Variants in ADGRL3 observed in about 807,000 individuals in gnomAD.
ADGRL3 encodes the protein calcium-independent alpha-latrotoxin receptor 3.
A neutral mutation model predicts 153.5 loss-of-function variants in ADGRL3; 62 were observed. The observed-to-expected ratio is 0.40, with a 90% confidence interval of 0.33 to 0.50. The LOEUF (loss-of-function observed/expected upper bound fraction) is 0.50, where lower values mean the gene tolerates loss of function less well. ADGRL3 is among the 20% of genes least tolerant of loss of function. The pLI is 0.47. For synonymous variants in ADGRL3, 710 were observed against 672.5 expected, an observed-to-expected ratio of 1.06 and a Z score of -0.86; for missense variants, 1,641 against 1,859.4, an observed-to-expected ratio of 0.88 and a Z score of 2.16.
chr4:62,032,551 A>G (rs1722699479), intron 23 of ADGRL3, among the ~76,000 whole-genome samples: 1 of 151,640 alleles, frequency 6.6e-6, no homozygotes, highest in East Asian at 1.9e-4. Context: ...ATTTAAAAAT[A>G]TTCAAAGAAA....
intron 5 of ADGRL3, among the ~76,000 whole-genome samples, chr4:61,588,206 T>C (rs1252158316): frequency 6.6e-6 from 1 of 151,902 alleles, no homozygotes; most frequent in African/African-American, 2.4e-5. Flanking sequence ...TCCTTTAGTA[T>C]AAGCCTACAG....
chr4:61,947,186 A>C, intron 16 of ADGRL3, 64 bp downstream of exon 16: 5 of 1,229,038 alleles, frequency 4.1e-6, no homozygotes, highest in Non-Finnish European at 5.9e-6. Flanking sequence ...ACTGAACATT[A>C]AGTGTATTAA....
intron 18 of ADGRL3, among the ~76,000 whole-genome samples, chr4:61,982,315 C>T (rs573465350): frequency 6.6e-6 from 1 of 152,296 alleles, no homozygotes; most frequent in Non-Finnish European, 1.5e-5. Flanking sequence ...CTTTACTCTC[C>T]TTGCTAGCGA....
At chr4:61,909,056 G>GTTCC (rs2098709891) in intron 11 of ADGRL3, among the ~76,000 whole-genome samples, 1 of 152,150 alleles carries the variant, frequency 6.6e-6, no homozygotes, top group African/African-American at 2.4e-5. Context: ...TCCTTATACA[G>GTTCC]TTAGTAAGAA....
intron 5 of ADGRL3, among the ~76,000 whole-genome samples, chr4:61,594,186 T>C (rs2098980302): frequency 6.6e-6 from 1 of 152,194 alleles, no homozygotes; most frequent in Non-Finnish European, 1.5e-5. Flanking sequence ...ATTTGTCTGA[T>C]ATAACTCAGA....
rs1560623309 is a variant in ADGRL3 at position 61,432,634 on chromosome 4, CTTTCTTTCTTTCTTTCTTTCTTTT to C, written c.-174+49449_-174+49472del. Among the ~76,000 whole-genome samples the C allele has an allele frequency of 7.7e-4, 25 of 32,564 alleles. 1 individual carries two copies. The highest frequency in any genetic ancestry group is 2.4e-3 in the East Asian group (4 of 1,654). 21.4% of individuals were successfully genotyped at this position (32,564 alleles called of 152,430 possible). A position where few individuals can be genotyped will look rare whatever the true frequency, so the allele number is the denominator to read the frequency against. ...TCTTTCTTTCTTTCTTTCTTTCTTT[CTTTCTTTCTTTCTTTCTTTCTTTT>C]TTTTTTTTTTTTGAGACAGAATTTC... On this transcript the variant is annotated intron_variant, in intron 2 of 26. Transcript: ENST00000683033.
At chr4:61,312,611 A>C (rs2095054879) in intron 1 of ADGRL3, among the ~76,000 whole-genome samples, 5 of 152,096 alleles carry the variant, frequency 3.3e-5, no homozygotes, top group African/African-American at 1.2e-4. Flanking sequence ...ACCACAGAAG[A>C]TATACAGATA....
At position 61,202,461 on chromosome 4, in the gene ADGRL3, C is replaced by T. The variant is rs1735173825; in HGVS notation, c.-240+696C>T. On this transcript the variant is annotated intron_variant, in intron 1 of 26. Coordinates refer to ENST00000683033, the MANE Select transcript of ADGRL3 (RefSeq NM_001387552.1). The surrounding 1 kb of genome is among the most constrained non-coding windows in gnomAD (Gnocchi z 5.0). The stretch of plus-strand genomic sequence containing the variant: ...GGCGGTTTTGGCTGGAGAAAGCTGC[C>T]ACTTTCGTGGGTGGCCCGGGCTGCG... 6.6e-6 allele frequency among the ~76,000 whole-genome samples: 1 copy of T among 152,166 alleles called. No homozygotes were observed. The highest frequency in any genetic ancestry group is 1.5e-5 in the Non-Finnish European group (1 of 68,032).
chr4:61,803,883 CTAA>C (rs2148468250), intron 8 of ADGRL3, among the ~76,000 whole-genome samples: 1 of 152,192 alleles, frequency 6.6e-6, no homozygotes, highest in East Asian at 1.9e-4. Context: ...CCAAATTATG[CTAA>C]TAATGCTTCC....
At chr4:61,687,240 A>G (rs60542626) in intron 6 of ADGRL3, among the ~76,000 whole-genome samples, 29,431 of 151,848 alleles carry the variant, frequency 0.19, 3,066 homozygotes, top group Non-Finnish European at 0.22. Flanking sequence ...TAATTCTCAG[A>G]ATGAATATGT....
intron 1 of ADGRL3, among the ~76,000 whole-genome samples, chr4:61,347,458 A>G (rs1190127512): frequency 6.6e-6 from 1 of 152,122 alleles, no homozygotes; most frequent in Non-Finnish European, 1.5e-5. Context: ...ATTCATGACT[A>G]CTTAGAATGG....
At chr4:61,841,599 TTCTC>T (rs1437005762) in intron 9 of ADGRL3, among the ~76,000 whole-genome samples, 2 of 152,186 alleles carry the variant, frequency 1.3e-5, no homozygotes, top group Non-Finnish European at 2.9e-5. Flanking sequence ...TGAGGACAAA[TTCTC>T]TCTAAGGAGA....
chr4:61,287,054 A>G (rs1239543944), intron 1 of ADGRL3, among the ~76,000 whole-genome samples: 1 of 151,824 alleles, frequency 6.6e-6, no homozygotes, highest in African/African-American at 2.4e-5. Context: ...CATCACCAAT[A>G]AATAAGGGAT....
chr4:61,983,110 G>T (rs1182951598), intron 18 of ADGRL3, among the ~76,000 whole-genome samples: 1 of 151,812 alleles, frequency 6.6e-6, no homozygotes, highest in Admixed American at 6.6e-5. Context: ...TTATTCATAG[G>T]CTCTTATTAG....
intron 17 of ADGRL3, among the ~76,000 whole-genome samples, chr4:61,952,574 T>C (rs1290083742): frequency 6.6e-6 from 1 of 152,048 alleles, no homozygotes; most frequent in Non-Finnish European, 1.5e-5. Flanking sequence ...AAATTCATGC[T>C]CAATTAGCAG....
chr4:61,955,637 A>G (rs924013735), intron 17 of ADGRL3, among the ~76,000 whole-genome samples: 1 of 152,034 alleles, frequency 6.6e-6, no homozygotes, highest in Non-Finnish European at 1.5e-5. Flanking sequence ...TATTTGTGCC[A>G]TGGTAGTTTT....
intron 2 of ADGRL3, among the ~76,000 whole-genome samples, chr4:61,412,551 G>A (rs193249382): frequency 6.6e-6 from 1 of 152,156 alleles, no homozygotes; most frequent in South Asian, 2.1e-4. Flanking sequence ...GGTAAAGTGG[G>A]TTCTGCCTAC....
At chr4:61,659,870 T>A (rs1235090017) in intron 5 of ADGRL3, among the ~76,000 whole-genome samples, 3 of 114,944 alleles carry the variant, frequency 2.6e-5, no homozygotes, top group Non-Finnish European at 3.4e-5. Context: ...CATGCTAGGC[T>A]GGGTCATGAA....
chr4:61,519,129 A>G (rs1247701186), intron 4 of ADGRL3, among the ~76,000 whole-genome samples: 1 of 152,200 alleles, frequency 6.6e-6, no homozygotes, highest in Admixed American at 6.5e-5. Context: ...TAATGTAAAC[A>G]CAAACACATA....
Sources: gnomAD v4.1 joint callset for allele counts (sites outside exome capture counted in the v4.1 genomes callset) on GRCh38, gnomAD v4.1.1 for gene constraint, Gnocchi (gnomAD v3.1) non-coding constraint, MANE v1.5 for transcripts, NCBI Gene and HGNC (gene_info 2026-07-23, HGNC 2026-07-21) for gene names.